The following WDR35 variants were observed in gnomAD, a reference collection of about 807,000 sequenced individuals.
WDR35 encodes WD repeat domain 35.
In WDR35, 118 loss-of-function variants were observed where a neutral mutation model predicts 158.3. That is an observed-to-expected ratio of 0.75 (90% CI 0.64 to 0.87). The LOEUF (loss-of-function observed/expected upper bound fraction) is 0.87. WDR35 is among the 40% of genes least tolerant of loss of function. The probability of loss-of-function intolerance (pLI) is 0.00; values close to 1 mark genes in which losing one functional copy is unlikely to be tolerated. For synonymous variants in WDR35, 448 were observed against 476.1 expected, an observed-to-expected ratio of 0.94 and a Z score of 0.77; for missense variants, 1,263 against 1,405.8, an observed-to-expected ratio of 0.90 and a Z score of 1.62.
intron 25 of WDR35, among the ~76,000 whole-genome samples, chr2:19,919,416 GA>G (rs1057503435): frequency 1.5e-5 from 2 of 136,450 alleles, no homozygotes; most frequent in Non-Finnish European, 1.6e-5. Context: ...AAAAGAAAAA[GA>G]AAAAAAAAGA....
rs1003005484 is a variant in WDR35, at chr2:19,912,339, C to T, written c.*1219G>A. The T allele has an allele frequency of 3.9e-5, 6 of 152,304 alleles. No homozygotes were observed. The highest frequency in any genetic ancestry group is 2.1e-4 in the South Asian group (1 of 4,822). 9.4% of individuals were successfully genotyped at this position (152,304 alleles called of 1,614,324 possible). A position where few individuals can be genotyped will look rare whatever the true frequency, so the allele number is the denominator to read the frequency against. The stretch of plus-strand genomic sequence containing the variant: ...TGTACCAAGGTAATTTTCCACGAGG[C>T]GCATGAATAGAGACAGAGACCTCAA... On this transcript the variant is annotated 3_prime_UTR_variant, in exon 27 of 27. Coordinates refer to ENST00000281405, the MANE Select transcript of WDR35 (RefSeq NM_020779.4).
chr2:19,989,945 G>A (rs578188152), intron 1 of WDR35, 47 bp downstream of exon 1: 2 of 1,611,982 alleles, frequency 1.2e-6, no homozygotes, highest in East Asian at 2.2e-5. Context: ...AATCGCCGCA[G>A]GCTGCGGGAA....
intron 23 of WDR35, among the ~76,000 whole-genome samples, chr2:19,931,744 T>C (rs1466400040): frequency 6.6e-6 from 1 of 152,160 alleles, no homozygotes; most frequent in African/African-American, 2.4e-5. Flanking sequence ...TTTAAAATAA[T>C]GTTCCAAGTA....
intron 10 of WDR35, among the ~76,000 whole-genome samples, chr2:19,964,441 T>C (rs981255423): frequency 8.2e-5 from 12 of 146,258 alleles, no homozygotes; most frequent in African/African-American, 2.8e-4. Flanking sequence ...TGGAGTGCAG[T>C]GGCGTGATCT....
At chr2:19,978,252 TTAAAA>T (rs1400248568) in intron 5 of WDR35, among the ~76,000 whole-genome samples, 2 of 151,906 alleles carry the variant, frequency 1.3e-5, no homozygotes, top group African/African-American at 2.4e-5. Flanking sequence ...AAAAATGATT[TTAAAA>T]TAAATTATTT....
chr2:19,987,551 C>T (rs776902937), intron 2 of WDR35, among the ~76,000 whole-genome samples: 33 of 152,086 alleles, frequency 2.2e-4, no homozygotes, highest in Non-Finnish European at 4.3e-4. Context: ...AGGCCAGGCA[C>T]GGTGGCTCAC....
In WDR35 at chr2:19,934,956, T is replaced by C. The variant is rs563018140; in HGVS notation, c.2547+515A>G. 9.1e-5 allele frequency: 14 copies of C among 153,622 alleles called. No individual in the cohort carries two copies. Among genetic ancestry groups the C allele is most frequent in the African/African-American group, 3.1e-4 (13 of 41,566 alleles). The allele number at this position is 153,622 out of a possible 1,614,324, so 9.5% of individuals were successfully genotyped here. A position where few individuals can be genotyped will look rare whatever the true frequency, so the allele number is the denominator to read the frequency against. On this transcript the variant is annotated intron_variant, in intron 21 of 26. Coordinates refer to ENST00000281405, the MANE Select transcript of WDR35 (RefSeq NM_020779.4). This position sits in a 1 kb window ranked among gnomAD's most constrained non-coding sequence, Gnocchi z 4.6. ...TGATTCACATATTAAACACATAAAA[T>C]ACAAACTTATTTACAGTATTCAACA... is the stretch of plus-strand genomic sequence containing the variant.
intron 10 of WDR35, among the ~76,000 whole-genome samples, chr2:19,961,320 T>C (rs1025640651): frequency 2.0e-5 from 3 of 152,238 alleles, no homozygotes; most frequent in African/African-American, 4.8e-5. Flanking sequence ...ATGAATCTCA[T>C]CTTGTTTCTG....
At chr2:19,988,459 G>C (rs114748455) in intron 2 of WDR35, among the ~76,000 whole-genome samples, 3,468 of 152,212 alleles carry the variant, frequency 0.023, 120 homozygotes, top group African/African-American at 0.078. Flanking sequence ...TACAGTTTGA[G>C]AAGCTATGTT....
intron 11 of WDR35, among the ~76,000 whole-genome samples, chr2:19,956,166 T>G (rs1334553358): frequency 6.6e-6 from 1 of 152,230 alleles, no homozygotes; most frequent in African/African-American, 2.4e-5. Flanking sequence ...GATACTCTAA[T>G]GCTGGTAACT....
chr2:19,941,088 A>C (rs971063159), intron 17 of WDR35, among the ~76,000 whole-genome samples: 2 of 152,214 alleles, frequency 1.3e-5, no homozygotes, highest in African/African-American at 4.8e-5. Flanking sequence ...AACTTCTGGA[A>C]ATTTTAAATC....
intron 25 of WDR35, among the ~76,000 whole-genome samples, chr2:19,925,529 T>C (rs1030989204): frequency 3.9e-5 from 6 of 152,198 alleles, no homozygotes; most frequent in African/African-American, 1.4e-4. Context: ...CAATCATTTC[T>C]CTACAGCACT....
chr2:19,925,993 G>A (rs763591680), intron 25 of WDR35, among the ~76,000 whole-genome samples: 31 of 152,160 alleles, frequency 2.0e-4, no homozygotes, highest in African/African-American at 6.3e-4. Flanking sequence ...AAGAGAAACC[G>A]GAGGCTTTAG....
intron 17 of WDR35, 27 bp downstream of exon 17, chr2:19,941,732 A>T: frequency 6.8e-7 from 1 of 1,479,086 alleles, no homozygotes; most frequent in African/African-American, 1.4e-5. Context: ...CAAGCTAGCA[A>T]CAGAAATGTA....
At chr2:19,962,909 T>C (rs897266608) in intron 10 of WDR35, among the ~76,000 whole-genome samples, 4 of 152,206 alleles carry the variant, frequency 2.6e-5, no homozygotes, top group African/African-American at 7.2e-5. Flanking sequence ...TACATGCTAG[T>C]AGTTCCAAAA....
chr2:19,924,434 G>A (rs557050036), intron 25 of WDR35, among the ~76,000 whole-genome samples: 1 of 152,224 alleles, frequency 6.6e-6, no homozygotes, highest in Admixed American at 6.5e-5. Context: ...TGTGGTGGCG[G>A]GCGCCTGTAG....
At chr2:19,925,489 A>C (rs1670329744) in intron 25 of WDR35, among the ~76,000 whole-genome samples, 1 of 152,210 alleles carries the variant, frequency 6.6e-6, no homozygotes, top group Admixed American at 6.5e-5. Flanking sequence ...AAAGAATTTA[A>C]AGGTTTGGTA....
intron 14 of WDR35, among the ~76,000 whole-genome samples, chr2:19,947,282 T>A (rs1284293954): frequency 2.6e-5 from 4 of 152,162 alleles, no homozygotes; most frequent in African/African-American, 9.7e-5. Flanking sequence ...TTCTTTTTAA[T>A]CAGAGAACCA....
chr2:19,921,358 C>G (rs1044876946), intron 25 of WDR35, among the ~76,000 whole-genome samples: 1 of 152,064 alleles, frequency 6.6e-6, no homozygotes, highest in Admixed American at 6.5e-5. Flanking sequence ...AAAAACGGCA[C>G]GGTACTGGTA....
Sources: allele counts gnomAD v4.1 joint callset (sites outside exome capture counted in the v4.1 genomes callset), GRCh38; gene constraint gnomAD v4.1.1; non-coding constraint Gnocchi (gnomAD v3.1); transcripts MANE v1.5; gene names NCBI Gene and HGNC (gene_info 2026-07-23, HGNC 2026-07-21).